KCNQ3: variants seen among roughly 807,000 people sequenced by gnomAD.
KCNQ3 encodes the protein potassium voltage-gated channel subfamily KQT member 3.
In KCNQ3, 30 loss-of-function variants were observed where a neutral mutation model predicts 92.5. The observed-to-expected ratio is 0.32, with a 90% CI of 0.24 to 0.44. KCNQ3 has a LOEUF of 0.44. Ranked by LOEUF, KCNQ3 falls within the 20% of genes least tolerant of loss-of-function variation. The probability of loss-of-function intolerance (pLI) is 1.00; values close to 1 mark genes in which losing one functional copy is unlikely to be tolerated. For missense variants in KCNQ3, 913 were observed against 1,140.3 expected (o/e 0.80, Z 2.87); for synonymous variants, 450 against 468.8 (o/e 0.96, Z 0.52).
intron 1 of KCNQ3, among the ~76,000 whole-genome samples, chr8:132,420,723 T>C (rs970143641): frequency 6.6e-6 from 1 of 152,122 alleles, no homozygotes; most frequent in African/African-American, 2.4e-5. Context: ...TCTTGAGGTG[T>C]GTTGATAAAT....
intron 1 of KCNQ3, among the ~76,000 whole-genome samples, chr8:132,218,366 C>A (rs992884560): frequency 6.6e-6 from 1 of 152,196 alleles, no homozygotes; most frequent in African/African-American, 2.4e-5. Context: ...GCATCTGGCA[C>A]ATGTGGGCAC....
At chr8:132,148,808 T>C (rs1398576706) in intron 9 of KCNQ3, among the ~76,000 whole-genome samples, 1 of 152,194 alleles carries the variant, frequency 6.6e-6, no homozygotes, top group Non-Finnish European at 1.5e-5. Flanking sequence ...GCCTTTGAAC[T>C]CCAGGACTTA....
At chr8:132,339,754 A>G (rs1363570677) in intron 1 of KCNQ3, among the ~76,000 whole-genome samples, 3 of 152,154 alleles carry the variant, frequency 2.0e-5, no homozygotes, top group Non-Finnish European at 2.9e-5. Flanking sequence ...CATCACTATG[A>G]AGTCCACATT....
chr8:132,133,336 A>T (rs1369704738), intron 13 of KCNQ3, among the ~76,000 whole-genome samples: 1 of 142,616 alleles, frequency 7.0e-6, no homozygotes, highest in Non-Finnish European at 1.5e-5. Flanking sequence ...TTCTATCATC[A>T]CGTTAATGCT....
At chr8:132,390,870 AG>A (rs1820032568) in intron 1 of KCNQ3, among the ~76,000 whole-genome samples, 1 of 152,238 alleles carries the variant, frequency 6.6e-6, no homozygotes, top group Non-Finnish European at 1.5e-5. Flanking sequence ...AGACAATGGA[AG>A]GGGTCAACAC....
chr8:132,242,241 A>G (rs1464868650), intron 1 of KCNQ3, among the ~76,000 whole-genome samples: 2 of 152,198 alleles, frequency 1.3e-5, no homozygotes, highest in African/African-American at 2.4e-5. Flanking sequence ...CAATCAACAG[A>G]CACATATTGA....
intron 1 of KCNQ3, among the ~76,000 whole-genome samples, chr8:132,203,951 CT>C (rs1405783961): frequency 1.3e-5 from 2 of 152,202 alleles, no homozygotes; most frequent in Admixed American, 6.5e-5. Flanking sequence ...AAACATATAT[CT>C]TTGGGGACCT....
intron 1 of KCNQ3, among the ~76,000 whole-genome samples, chr8:132,288,904 G>A (rs1000613189): frequency 6.6e-6 from 1 of 152,178 alleles, no homozygotes; most frequent in African/African-American, 2.4e-5. Context: ...AGTGAAGGAA[G>A]AGTGGTATTA....
intron 1 of KCNQ3, among the ~76,000 whole-genome samples, chr8:132,413,253 C>T (rs1302415947): frequency 2.0e-5 from 3 of 152,218 alleles, no homozygotes; most frequent in African/African-American, 7.2e-5. Context: ...TCAGGACTTC[C>T]ACAACCCAGC....
intron 1 of KCNQ3, among the ~76,000 whole-genome samples, chr8:132,264,383 T>C (rs1815907092): frequency 6.6e-6 from 1 of 152,144 alleles, no homozygotes; most frequent in African/African-American, 2.4e-5. Flanking sequence ...GGGCCACGTA[T>C]TGGGGTCATC....
chr8:132,391,468 C>T (rs1820045589), intron 1 of KCNQ3, among the ~76,000 whole-genome samples: 1 of 152,024 alleles, frequency 6.6e-6, no homozygotes, highest in Non-Finnish European at 1.5e-5. Context: ...CTAACAAATG[C>T]TTTACGCCTC....
intron 1 of KCNQ3, among the ~76,000 whole-genome samples, chr8:132,386,908 A>C (rs145733017): frequency 3.9e-5 from 6 of 152,332 alleles, no homozygotes; most frequent in African/African-American, 1.4e-4. Context: ...TAACAACAAT[A>C]TGATTTAAAA....
At chr8:132,285,113 G>A (rs1292884681) in intron 1 of KCNQ3, among the ~76,000 whole-genome samples, 3 of 152,206 alleles carry the variant, frequency 2.0e-5, no homozygotes, top group Non-Finnish European at 4.4e-5. Context: ...AATTGGTACT[G>A]ATGAGTGGGA....
chr8:132,155,528 A>G (rs947659147), intron 9 of KCNQ3, among the ~76,000 whole-genome samples: 1 of 152,196 alleles, frequency 6.6e-6, no homozygotes, highest in African/African-American at 2.4e-5. Flanking sequence ...AATCCTTACC[A>G]CAGCCCTAGG....
At chr8:132,353,500 C>T (rs2130708705) in intron 1 of KCNQ3, among the ~76,000 whole-genome samples, 1 of 152,338 alleles carries the variant, frequency 6.6e-6, no homozygotes, top group South Asian at 2.1e-4. Flanking sequence ...CTGCTAATCA[C>T]TTACGGTCTC....
At chr8:132,296,241 C>G (rs1276177550) in intron 1 of KCNQ3, among the ~76,000 whole-genome samples, 1 of 152,106 alleles carries the variant, frequency 6.6e-6, no homozygotes, top group African/African-American at 2.4e-5. Flanking sequence ...CTTAGGGCGG[C>G]TTTTCAGCGA....
chr8:132,170,141 G>A (rs1425697750), intron 8 of KCNQ3, among the ~76,000 whole-genome samples, 193 bp downstream of exon 8: 1 of 152,122 alleles, frequency 6.6e-6, no homozygotes, highest in Non-Finnish European at 1.5e-5. Context: ...CCAAAGTGCT[G>A]GGATTATGGG....
intron 1 of KCNQ3, among the ~76,000 whole-genome samples, chr8:132,438,468 G>A (rs1821452565): frequency 6.6e-6 from 1 of 152,126 alleles, no homozygotes; most frequent in Admixed American, 6.5e-5. Context: ...GAAGAGTTCT[G>A]CCTGATTTCT....
chr8:132,269,515 C>T (rs918618960), intron 1 of KCNQ3, among the ~76,000 whole-genome samples: 3 of 152,166 alleles, frequency 2.0e-5, no homozygotes, highest in Non-Finnish European at 4.4e-5. Flanking sequence ...GCATTTTTAA[C>T]CAGCTCTCTC....
Sources: allele counts gnomAD v4.1 joint callset (sites outside exome capture counted in the v4.1 genomes callset), GRCh38; gene constraint gnomAD v4.1.1; transcripts MANE v1.5; gene names NCBI Gene and HGNC (gene_info 2026-07-23, HGNC 2026-07-21).